Variants in NAP1L1 observed in about 807,000 individuals in gnomAD.
NAP1L1 encodes the protein nucleosome assembly protein 1 like 1.
A neutral mutation model predicts 58.9 loss-of-function variants in NAP1L1; 9 were observed. That is an observed-to-expected ratio of 0.15 (90% CI 0.09 to 0.27). The LOEUF (loss-of-function observed/expected upper bound fraction) is 0.27. Among genes scored for constraint, NAP1L1 ranks in the 10% least tolerant of loss-of-function variants. The pLI, the probability that NAP1L1 is intolerant of heterozygous loss-of-function variation, is 1.00. For synonymous variants in NAP1L1, 130 were observed against 138.3 expected (o/e 0.94, Z 0.42); for missense variants, 302 against 458.8 (o/e 0.66, Z 3.12).
At chr12:76,083,923 T>G (rs1815083934) in intron 1 of NAP1L1, 1 of 152,214 alleles carries the variant, frequency 6.6e-6, no homozygotes, top group Admixed American at 6.5e-5. Flanking sequence ...CCAGTGGCCA[T>G]GAAGCCCATT....
chr12:76,054,257 G>C (rs1422961595), intron 8 of NAP1L1, among the ~76,000 whole-genome samples: 4 of 149,008 alleles, frequency 2.7e-5, no homozygotes, highest in African/African-American at 9.7e-5. Flanking sequence ...ATTGACCTCC[G>C]GACCTCAAGT....
chr12:76,078,440 T>C (rs530910242), intron 1 of NAP1L1, among the ~76,000 whole-genome samples: 1 of 152,278 alleles, frequency 6.6e-6, no homozygotes, highest in African/African-American at 2.4e-5. Flanking sequence ...AAAAAATTCA[T>C]ACAAGTAATT....
intron 4 of NAP1L1, among the ~76,000 whole-genome samples, chr12:76,060,620 C>T (rs1266820505): frequency 1.3e-5 from 2 of 152,146 alleles, no homozygotes; most frequent in African/African-American, 4.8e-5. Flanking sequence ...TTTTCTTTTA[C>T]ATATATCTCA....
At chr12:76,056,475 T>C (rs537979222) in intron 6 of NAP1L1, 201 of 358,732 alleles carry the variant, frequency 5.6e-4, no homozygotes, top group Non-Finnish European at 8.0e-4. Context: ...AATACTAATT[T>C]GGTCCATTGC....
chr12:76,049,367 A>G, intron 13 of NAP1L1, 117 bp from the exon 14 acceptor site: 1 of 1,574,170 alleles, frequency 6.4e-7, no homozygotes, highest in Non-Finnish European at 8.6e-7. Flanking sequence ...TCATGATTAC[A>G]GACTTTGATG....
intron 9 of NAP1L1, 99 bp from the exon 10 acceptor site, chr12:76,053,449 G>A: frequency 2.2e-6 from 3 of 1,356,380 alleles, no homozygotes; most frequent in South Asian, 1.5e-5. Flanking sequence ...ATTTTAGAAG[G>A]GTGAATTGCT....
intron 1 of NAP1L1, among the ~76,000 whole-genome samples, chr12:76,077,002 A>C (rs1422027107): frequency 2.0e-5 from 3 of 152,186 alleles, no homozygotes; most frequent in African/African-American, 7.2e-5. Flanking sequence ...CCAATACACA[A>C]ATTTATTCTG....
At chr12:76,049,018 A>G in intron 14 of NAP1L1, 182 bp downstream of exon 14, 1 of 573,670 alleles carries the variant, frequency 1.7e-6, no homozygotes, top group South Asian at 2.7e-5. Context: ...GTTTTTTAGA[A>G]AAACGTCCAC....
At chr12:76,058,137 T>A in intron 6 of NAP1L1, 1 of 694,216 alleles carries the variant, frequency 1.4e-6, no homozygotes, top group Non-Finnish European at 2.7e-6. Context: ...TTTGAAAATT[T>A]GTCTGTAGTT....
In NAP1L1 at chr12:76,047,026, TAA is replaced by T. The variant is rs1315051736; in HGVS notation, c.*1401_*1402del. ...TAAAAATAGGAGCCACACAAAGATC[TAA>T]AAAGAGTGCTGACTGCCCAGATCCA... On this transcript the variant is annotated 3_prime_UTR_variant, in exon 15 of 15. Coordinates refer to ENST00000618691, the MANE Select transcript of NAP1L1 (RefSeq NM_004537.7). The T allele has an allele frequency of 1.3e-5, 2 of 152,466 alleles. No homozygotes were observed. Among genetic ancestry groups the T allele is most frequent in the Non-Finnish European group, 2.9e-5 (2 of 67,926 alleles). The allele number at this position is 152,466 out of a possible 1,614,324, so 9.4% of individuals were successfully genotyped here. A position where few individuals can be genotyped will look rare whatever the true frequency, so the allele number is the denominator to read the frequency against.
intron 4 of NAP1L1, among the ~76,000 whole-genome samples, chr12:76,066,309 AG>A (rs1949670545): frequency 6.6e-6 from 1 of 152,038 alleles, no homozygotes; most frequent in African/African-American, 2.4e-5. Flanking sequence ...CTTCTTAAAA[AG>A]TTTCAAAAGT....
chr12:76,074,378 TAAG>T lies in NAP1L1; in HGVS notation c.-20-142_-20-140del, dbSNP rs1565745109. On this transcript the variant is annotated intron_variant, in intron 1 of 14. Transcript: ENST00000618691. ...ATTTCCTTTAAAATACTATCAGTGT[TAAG>T]AAGAAAAAACTCATGGAACATGCAA... is the stretch of plus-strand genomic sequence containing the variant. 4 of 1,326,458 alleles carry T rather than the reference TAAG, an allele frequency of 3.0e-6. No individual in the cohort carries two copies. In the African/African-American group the frequency reaches 4.6e-5, roughly 15 times the overall value. The allele number at this position is 1,326,458 out of a possible 1,614,324, so 82.2% of individuals were successfully genotyped here.
In NAP1L1 at chr12:76,041,262, TTACCAAGTTCCAAGCACAG is replaced by T. The variant is rs1473074404; in HGVS notation, c.*7148_*7166del. ...ATACATCCAAAACTTTTCTGTACAC[TTACCAAGTTCCAAGCACAG>T]TGCTGGAAATTAGGAAACTCATTAA... On this transcript the variant is annotated 3_prime_UTR_variant, in exon 15 of 15. Transcript: ENST00000618691. 6.6e-6 allele frequency: 1 copy of T among 152,224 alleles called. No homozygotes were observed. Among genetic ancestry groups the T allele is most frequent in the Non-Finnish European group, 1.5e-5 (1 of 68,040 alleles). The allele number at this position is 152,224 out of a possible 1,614,324, so 9.4% of individuals were successfully genotyped here. A position where few individuals can be genotyped will look rare whatever the true frequency, so the allele number is the denominator to read the frequency against.
At chr12:76,049,552 TAAAA>T in intron 13 of NAP1L1, 200 bp downstream of exon 13, 1 of 1,533,628 alleles carries the variant, frequency 6.5e-7, no homozygotes, top group Non-Finnish European at 8.7e-7. Flanking sequence ...TTATTTGAAA[TAAAA>T]AAATGTTGCT....
At chr12:76,079,511 T>C (rs1950319357) in intron 1 of NAP1L1, among the ~76,000 whole-genome samples, 1 of 152,028 alleles carries the variant, frequency 6.6e-6, no homozygotes, top group Non-Finnish European at 1.5e-5. Flanking sequence ...TAAAAGACAG[T>C]TTCAGAATAA....
rs1269279298 is a variant in NAP1L1, at chr12:76,057,828, G to C, written c.430-1667C>G. 6.5e-6 allele frequency: 10 copies of C among 1,541,082 alleles called. No homozygotes were observed. In the Admixed American group the frequency reaches 2.0e-4, roughly 30 times the overall value. On this transcript the variant is annotated intron_variant, in intron 6 of 14. Transcript: ENST00000618691. Reference sequence around the variant, plus strand: ...AAGAAGAGGAGAAGAAAAAACAGAAGAGAGGTGGAAGGGGTCAAATAAAAC... The same window carrying C: ...AAGAAGAGGAGAAGAAAAAACAGAACAGAGGTGGAAGGGGTCAAATAAAAC...
chr12:76,073,382 C>G (rs1328783355), intron 2 of NAP1L1, among the ~76,000 whole-genome samples: 1 of 152,168 alleles, frequency 6.6e-6, no homozygotes, highest in African/African-American at 2.4e-5. Flanking sequence ...TCATCCCATT[C>G]TTCCTGACCC....
At chr12:76,054,461 A>C (rs1383720359) in intron 8 of NAP1L1, among the ~76,000 whole-genome samples, 3 of 152,244 alleles carry the variant, frequency 2.0e-5, no homozygotes. Flanking sequence ...ACATCTATTA[A>C]ATAATTAACA....
chr12:76,073,073 G>C (rs764000400), intron 2 of NAP1L1, among the ~76,000 whole-genome samples: 3 of 151,838 alleles, frequency 2.0e-5, no homozygotes, highest in Non-Finnish European at 4.4e-5. Flanking sequence ...CAATCACTTT[G>C]GGAACCATTA....
Sources: gnomAD v4.1 joint callset for allele counts (sites outside exome capture counted in the v4.1 genomes callset) on GRCh38, gnomAD v4.1.1 for gene constraint, MANE v1.5 for transcripts, NCBI Gene and HGNC (gene_info 2026-07-23, HGNC 2026-07-21) for gene names.